HSPB6: variants seen among roughly 807,000 people sequenced by gnomAD.
The protein encoded by HSPB6 is heat shock protein beta-6.
HSPB6 carries 8 observed loss-of-function variants against 10.7 expected under a neutral mutation model. The ratio of observed to expected loss-of-function variants is 0.75; its 90% confidence interval spans 0.44 to 1.35. The LOEUF is 1.35. HSPB6 is among the 40% of genes most tolerant of loss of function. The pLI is 0.00. For synonymous variants in HSPB6, 128 were observed against 114.2 expected (o/e 1.12, Z -0.77); for missense variants, 232 against 236.0 (o/e 0.98, Z 0.11).
At chr19:35,756,701 C>T (rs1312556288) in intron 1 of HSPB6, 110 bp downstream of exon 1, 1 of 1,159,468 alleles carries the variant, frequency 8.6e-7, no homozygotes, top group Admixed American at 2.1e-5. Context: ...GCTGCGGACT[C>T]TCCACCCCGC....
chr19:35,755,136 G>C lies in HSPB6; in HGVS notation c.*386C>G. ...CATAATTTGGTGTCAAAATAGGGAA[G>C]GGATGGAAATGTAGTACCCGGATGT... On this transcript the variant is annotated 3_prime_UTR_variant, in exon 3 of 3. Transcript: ENST00000004982. The C allele has an allele frequency of 2.8e-6, 1 of 361,544 alleles. No homozygotes were observed. The allele number at this position is 361,544 out of a possible 1,614,324, so 22.4% of individuals were successfully genotyped here.
In HSPB6 at chr19:35,754,747, A is replaced by C; in HGVS notation, c.*775T>G. On this transcript the variant is annotated 3_prime_UTR_variant, in exon 3 of 3. Coordinates refer to ENST00000004982, the MANE Select transcript of HSPB6 (RefSeq NM_144617.3). ...GGTTGAAGACTTGGGGGTCAAGACAAAGGGACTTAGGGGGATGGGGTCTGG... is the reference window on the plus strand; with the variant it reads ...GGTTGAAGACTTGGGGGTCAAGACACAGGGACTTAGGGGGATGGGGTCTGG... The C allele has an allele frequency of 2.0e-6, 1 of 505,468 alleles. No individual in the cohort carries two copies. Among genetic ancestry groups the C allele is most frequent in the Non-Finnish European group, 3.6e-6 (1 of 277,564 alleles). 31.3% of individuals were successfully genotyped at this position (505,468 alleles called of 1,614,324 possible).
Position 35,755,387 on chromosome 19 carries a change from T to C in HSPB6, c.*135A>G, listed in dbSNP as rs1461266103. 4.5e-6 allele frequency: 4 copies of C among 892,110 alleles called. No homozygotes were observed. Among genetic ancestry groups the C allele is most frequent in the Non-Finnish European group, 5.3e-6 (3 of 562,572 alleles). 55.3% of individuals were successfully genotyped at this position (892,110 alleles called of 1,614,324 possible). A position where few individuals can be genotyped will look rare whatever the true frequency, so the allele number is the denominator to read the frequency against. ...ATCAAGGCAGTGTCCAGGATGGAGG[T>C]CAGGGCAGAATCCAGGAGTGGGTGA... On this transcript the variant is annotated 3_prime_UTR_variant, in exon 3 of 3. Transcript: ENST00000004982.
In HSPB6 at chr19:35,756,958, G is replaced by A. The variant is rs1277168398; in HGVS notation, c.51C>T (p.Ala17=). 6.5e-7 allele frequency: 1 copy of A among 1,544,744 alleles called. No individual in the cohort carries two copies. The highest frequency in any genetic ancestry group is 2.0e-5 in the Admixed American group (1 of 50,990). ...CGGGCGCCGAAAGTCCGGGCAACGG[G>A]GCCGAGGCGCGGCGCAGCCAAGACG... ...VQPSWLRRAS[A]PLPGLSAPGR... The change falls in exon 1 of 3, where the codon GCC becomes GCT. Residue 17 remains alanine, a synonymous_variant. Coordinates refer to ENST00000004982, the MANE Select transcript of HSPB6 (RefSeq NM_144617.3).
chr19:35,756,683 C>A (rs1043091426), intron 1 of HSPB6, 128 bp downstream of exon 1: 4 of 926,010 alleles, frequency 4.3e-6, no homozygotes, highest in Non-Finnish European at 6.6e-6. Flanking sequence ...CTCCGGAAGC[C>A]CTTCGGAGCT....
chr19:35,755,877 G>T lies in HSPB6; in HGVS notation c.216C>A (p.Gly72=). The T allele has an allele frequency of 6.4e-7, 1 of 1,573,556 alleles. No homozygotes were observed. Among genetic ancestry groups the T allele is most frequent in the East Asian group, 2.4e-5 (1 of 42,452 alleles). ...TCACGTCTAGCAGCACCGAAAAGTG[G>T]CCGGGGTCCGTCGGCACCTGAGCGC... is the stretch of plus-strand genomic sequence containing the variant. ...LPVAQVPTDP[G]HFSVLLDVKH... The change falls in exon 2 of 3, where the codon GGC becomes GGA. Residue 72 remains glycine, a synonymous_variant. Transcript: ENST00000004982.
Position 35,755,546 on chromosome 19 carries a change from G to A in HSPB6, c.459C>T (p.Ala153=). The A allele has an allele frequency of 6.6e-7, 1 of 1,524,666 alleles. No homozygotes were observed. The highest frequency in any genetic ancestry group is 8.8e-7 in the Non-Finnish European group (1 of 1,140,996). The allele number at this position is 1,524,666 out of a possible 1,614,324, so 94.4% of individuals were successfully genotyped here. A position where few individuals can be genotyped will look rare whatever the true frequency, so the allele number is the denominator to read the frequency against. Residue 153 remains alanine, a synonymous_variant, in exon 3 of 3, where the codon GCC becomes GCT. Transcript: ENST00000004982. ...SIQAAPASAQ[A]PPPAAAK ...CCTACTTGGCTGCGGCTGGCGGTGG[G>A]GCCTGGGCCGACGCTGGTGCGGCCT...
Position 35,755,613 on chromosome 19 carries a change from G to GCAGCCGGATCCACGC in HSPB6, c.377_391dup (p.Gly126_Ala130dup). On this transcript the variant is annotated inframe_insertion, in exon 3 of 3. Coordinates refer to ENST00000004982, the MANE Select transcript of HSPB6 (RefSeq NM_144617.3). ...CTCGGGGGACAGCGCGGACGTCACGGCAGCCGGATCCACGCCAGGCGGCAG... is the reference window on the plus strand; with the variant it reads ...CTCGGGGGACAGCGCGGACGTCACGGCAGCCGGATCCACGCCAGCCGGATCCACGCCAGGCGGCAG... 6.5e-7 allele frequency: 1 copy of GCAGCCGGATCCACGC among 1,533,336 alleles called. No individual in the cohort carries two copies. The highest frequency in any genetic ancestry group is 8.7e-7 in the Non-Finnish European group (1 of 1,144,782). The allele number at this position is 1,533,336 out of a possible 1,614,324, so 95.0% of individuals were successfully genotyped here. A position where few individuals can be genotyped will look rare whatever the true frequency, so the allele number is the denominator to read the frequency against.
In HSPB6 at chr19:35,756,854, G is replaced by A; in HGVS notation, c.155C>T (p.Pro52Leu). 2 of 1,537,484 alleles carry A rather than the reference G, an allele frequency of 1.3e-6. No individual in the cohort carries two copies. The highest frequency in any genetic ancestry group is 1.2e-5 in the South Asian group (1 of 83,892). Reference sequence around the variant, plus strand: ...CACGCTGGGTGCGCGCAGGTAGTAGGGGGCGAGCGTGGTGGGGCAGAGCGC... The same window carrying A: ...CACGCTGGGTGCGCGCAGGTAGTAGAGGGCGAGCGTGGTGGGGCAGAGCGC... Reference protein sequence around the residue: ...LAALCPTTLAPYYLRAPSVAL... With the variant: ...LAALCPTTLALYYLRAPSVAL... The change falls in exon 1 of 3, where the codon CCC (proline) becomes CTC (leucine). Residue 52 changes from proline to leucine, a missense_variant. Transcript: ENST00000004982.
Position 35,755,491 on chromosome 19 carries a change from T to G in HSPB6, c.*31A>C. Reference sequence around the variant, plus strand: ...TTTAATAGAGGGAGCCTGAGGAGGCTCCCGGGGTGCGGGCGCGGCCCAGCC... The same window carrying G: ...TTTAATAGAGGGAGCCTGAGGAGGCGCCCGGGGTGCGGGCGCGGCCCAGCC... On this transcript the variant is annotated 3_prime_UTR_variant, in exon 3 of 3. Coordinates refer to ENST00000004982, the MANE Select transcript of HSPB6 (RefSeq NM_144617.3). The G allele has an allele frequency of 6.6e-7, 1 of 1,514,310 alleles. No homozygotes were observed. The highest frequency in any genetic ancestry group is 8.8e-7 in the Non-Finnish European group (1 of 1,137,678). 93.8% of individuals were successfully genotyped at this position (1,514,310 alleles called of 1,614,324 possible).
At position 35,755,906 on chromosome 19, in the gene HSPB6, G is replaced by A. The variant is rs765241581; in HGVS notation, c.199-12C>T. Reference sequence around the variant, plus strand: ...GGGTCCGTCGGCACCTGAGCGCAGCGGGCGCGGGCGGGACTGTCATTGGGC... The same window carrying A: ...GGGTCCGTCGGCACCTGAGCGCAGCAGGCGCGGGCGGGACTGTCATTGGGC... On this transcript the variant is annotated splice_polypyrimidine_tract_variant and intron_variant, in intron 1 of 2. Transcript: ENST00000004982. 19 of 1,552,428 alleles carry A rather than the reference G, an allele frequency of 1.2e-5. No individual in the cohort carries two copies. Among genetic ancestry groups the A allele is most frequent in the Non-Finnish European group, 1.7e-6 (2 of 1,149,222 alleles).
Position 35,756,835 on chromosome 19 carries a change from G to A in HSPB6, c.174C>T (p.Pro58=), listed in dbSNP as rs1239375246. 2.9e-5 allele frequency: 45 copies of A among 1,536,766 alleles called. No individual in the cohort carries two copies. The change falls in exon 1 of 3, where the codon CCC becomes CCT. Residue 58 remains proline (P), a synonymous_variant. Transcript: ENST00000004982. The part of the protein sequence containing the change: ...TTLAPYYLRA[P]SVALPVAQVP... ...CCTGGGCGACGGGCAGCGCCACGCT[G>A]GGTGCGCGCAGGTAGTAGGGGGCGA...
At position 35,754,782 on chromosome 19, in the gene HSPB6, G is replaced by A. The variant is rs1386669874; in HGVS notation, c.*740C>T. The A allele has an allele frequency of 2.1e-6, 1 of 470,920 alleles. No homozygotes were observed. The highest frequency in any genetic ancestry group is 2.0e-5 in the African/African-American group (1 of 50,718). 29.2% of individuals were successfully genotyped at this position (470,920 alleles called of 1,614,324 possible). A position where few individuals can be genotyped will look rare whatever the true frequency, so the allele number is the denominator to read the frequency against. ...GGGGGATGGGGTCTGGTTAGAGTTG[G>A]GGAGGGGGCCTAGGACATCCGTGCA... On this transcript the variant is annotated 3_prime_UTR_variant, in exon 3 of 3. Coordinates refer to ENST00000004982, the MANE Select transcript of HSPB6 (RefSeq NM_144617.3).
Position 35,756,892 on chromosome 19 carries a change from C to A in HSPB6, c.117G>T (p.Glu39Asp), listed in dbSNP as rs1374847402. ...FDQRFGEGLL[E>D]AELAALCPTT... Reference sequence around the variant, plus strand: ...TGGGGCAGAGCGCAGCCAGCTCGGCCTCCAGCAGCCCCTCGCCGAAGCGCT... The same window carrying A: ...TGGGGCAGAGCGCAGCCAGCTCGGCATCCAGCAGCCCCTCGCCGAAGCGCT... The change falls in exon 1 of 3, where the codon GAG (glutamate) becomes GAT (aspartate). Residue 39 changes from glutamate (E) to aspartate (D), a missense_variant. By Grantham distance (45) the Glu-to-Asp change is conservative. Transcript: ENST00000004982. 4 of 1,538,362 alleles carry A rather than the reference C, an allele frequency of 2.6e-6. No individual in the cohort carries two copies. Among genetic ancestry groups the A allele is most frequent in the Non-Finnish European group, 3.5e-6 (4 of 1,145,844 alleles).
Position 35,755,649 on chromosome 19 carries a change from C to A in HSPB6, c.356G>T (p.Arg119Leu), listed in dbSNP as rs761471944. ...CACGCCAGGCGGCAGGCGGTAGCGA[C>A]GGTGGAACTCGCGCGCGACGAATCC... ...EHGFVAREFH[R>L]RYRLPPGVDP... Residue 119 changes from arginine to leucine, a missense_variant, in exon 3 of 3, where the codon CGT (arginine) becomes CTT (leucine). Arg to Leu is a moderately radical substitution (Grantham distance 102). Coordinates refer to ENST00000004982, the MANE Select transcript of HSPB6 (RefSeq NM_144617.3). 1.3e-6 allele frequency: 2 copies of A among 1,533,916 alleles called. No homozygotes were observed. The highest frequency in any genetic ancestry group is 1.7e-6 in the Non-Finnish European group (2 of 1,144,248).
rs1005340898 is a variant in HSPB6 at position 35,756,998 on chromosome 19, G to A, written c.11C>T (p.Pro4Leu). ...CAGCCAAGACGGCTGCACAGGCACA[G>A]GGATCTCCATCCTGCTCCTCCGCGT... MEI[P>L]VPVQPSWLRR... The change falls in exon 1 of 3, where the codon CCT (proline) becomes CTT (leucine). Residue 4 changes from proline (P) to leucine (L), a missense_variant. Physicochemically the swap from Pro to Leu is moderately conservative, Grantham distance 98. Coordinates refer to ENST00000004982, the MANE Select transcript of HSPB6 (RefSeq NM_144617.3). The A allele has an allele frequency of 1.3e-6, 2 of 1,546,022 alleles. No homozygotes were observed. The highest frequency in any genetic ancestry group is 1.4e-5 in the African/African-American group (1 of 73,044).
chr19:35,755,869 GA>G lies in HSPB6; in HGVS notation c.223del (p.Ser75ArgfsTer4). The G allele has an allele frequency of 1.9e-6, 3 of 1,580,216 alleles. No homozygotes were observed. Among genetic ancestry groups the G allele is most frequent in the Non-Finnish European group, 2.6e-6 (3 of 1,164,408 alleles). On this transcript the variant is annotated frameshift_variant, in exon 2 of 3. Coordinates refer to ENST00000004982, the MANE Select transcript of HSPB6 (RefSeq NM_144617.3). LOFTEE classifies it high-confidence loss of function. ...AQVPTDPGHF[S>X]VLLDVKHFSP... ...GAAGTGCTTCACGTCTAGCAGCACC[GA>G]AAAGTGGCCGGGGTCCGTCGGCACC...
Position 35,756,818 on chromosome 19 carries a change from A to C in HSPB6, c.191T>G (p.Val64Gly), listed in dbSNP as rs1970767149. 6.5e-7 allele frequency: 1 copy of C among 1,535,936 alleles called. No homozygotes were observed. The highest frequency in any genetic ancestry group is 2.0e-5 in the Admixed American group (1 of 50,990). The change falls in exon 1 of 3, where the codon GTC becomes GGC. Residue 64 changes from valine (V) to glycine (G), a missense_variant. Transcript: ENST00000004982. The part of the protein sequence containing the change: ...YLRAPSVALP[V>G]AQVPTDPGHF... ...CCTCCCCAGGCCTGGCACCTGGGCG[A>C]CGGGCAGCGCCACGCTGGGTGCGCG... is the stretch of plus-strand genomic sequence containing the variant.
rs1044746191 is a variant in HSPB6, at chr19:35,757,027, A to T, written c.-19T>A. The T allele has an allele frequency of 6.5e-7, 1 of 1,545,178 alleles. No individual in the cohort carries two copies. The highest frequency in any genetic ancestry group is 2.4e-5 in the East Asian group (1 of 40,926). On this transcript the variant is annotated 5_prime_UTR_variant, in exon 1 of 3. Transcript: ENST00000004982. ...TCTCCATCCTGCTCCTCCGCGTTGC[A>T]GTGCCCCTGCGTGCGCAGCCGCTCA...
Sources: gnomAD v4.1 joint callset for allele counts on GRCh38, gnomAD v4.1.1 for gene constraint, MANE v1.5 for transcripts, NCBI Gene and HGNC (gene_info 2026-07-23, HGNC 2026-07-21) for gene names.